Variants in KIAA0825 observed in about 807,000 individuals in gnomAD.
The protein encoded by KIAA0825 is KIAA0825.
Under a neutral mutation model 147.6 loss-of-function variants are expected in KIAA0825, and 119 were observed. The observed-to-expected ratio is 0.81, with a 90% CI of 0.69 to 0.94. The LOEUF (loss-of-function observed/expected upper bound fraction) is 0.94. Among genes scored for constraint, KIAA0825 ranks in the 40% least tolerant of loss-of-function variants. The pLI is 0.00. For synonymous variants in KIAA0825, 470 were observed against 518.1 expected, an observed-to-expected ratio of 0.91 and a Z score of 1.26; for missense variants, 1,381 against 1,472.7, an observed-to-expected ratio of 0.94 and a Z score of 1.02.
chr5:94,519,970 CTGTT>C, intron 5 of KIAA0825: 1 of 1,035,966 alleles, frequency 9.7e-7, no homozygotes. Flanking sequence ...TTCACAAATA[CTGTT>C]TGTCATATGC....
At chr5:94,291,894 A>C (rs1487621601) in intron 20 of KIAA0825, among the ~76,000 whole-genome samples, 2 of 152,150 alleles carry the variant, frequency 1.3e-5, no homozygotes, top group African/African-American at 4.8e-5. Context: ...GAGTTCACTC[A>C]TGATTTGGCT....
chr5:94,410,580 T>A (rs1752627432), intron 15 of KIAA0825, among the ~76,000 whole-genome samples: 1 of 152,158 alleles, frequency 6.6e-6, no homozygotes, highest in South Asian at 2.1e-4. Flanking sequence ...AAGAGAAAAG[T>A]CCTTATCAAC....
At chr5:94,562,896 T>G (rs1342185999) in intron 2 of KIAA0825, among the ~76,000 whole-genome samples, 1 of 152,172 alleles carries the variant, frequency 6.6e-6, no homozygotes, top group African/African-American at 2.4e-5. Flanking sequence ...ATTAAGTGCT[T>G]TAACTATTAA....
At chr5:94,165,363 G>T (rs1473207898) in intron 20 of KIAA0825, among the ~76,000 whole-genome samples, 2 of 152,134 alleles carry the variant, frequency 1.3e-5, no homozygotes, top group African/African-American at 2.4e-5. Context: ...AATAACAAAT[G>T]CTGGCGAGGA....
intron 20 of KIAA0825, among the ~76,000 whole-genome samples, chr5:94,302,760 T>C (rs939698563): frequency 2.0e-5 from 3 of 152,094 alleles, no homozygotes; most frequent in East Asian, 1.9e-4. Flanking sequence ...ACAATGTATT[T>C]ACAGTTAATA....
At position 94,519,305 on chromosome 5, in the gene KIAA0825, A is replaced by G. The variant is rs181444862; in HGVS notation, c.970+943T>C. 5,084 of 905,946 alleles carry G rather than the reference A, an allele frequency of 5.6e-3. 26 individuals carry two copies. The highest frequency in any genetic ancestry group is 0.017 in the Middle Eastern group (29 of 1,744). The allele number at this position is 905,946 out of a possible 1,614,324, so 56.1% of individuals were successfully genotyped here. A position where few individuals can be genotyped will look rare whatever the true frequency, so the allele number is the denominator to read the frequency against. On this transcript the variant is annotated intron_variant, in intron 5 of 20. Transcript: ENST00000682413. The stretch of plus-strand genomic sequence containing the variant: ...AAGATGATCATAAATTCAAAGATCC[A>G]TAATTCACCAAATAATAATTTTCAA...
At chr5:94,350,611 C>T (rs1370142207) in intron 20 of KIAA0825, among the ~76,000 whole-genome samples, 5 of 152,148 alleles carry the variant, frequency 3.3e-5, no homozygotes, top group African/African-American at 2.4e-5. Context: ...ACCAGGGATG[C>T]AGGGATGGTT....
intron 5 of KIAA0825, among the ~76,000 whole-genome samples, chr5:94,491,002 A>C (rs1227569425): frequency 1.3e-5 from 2 of 152,184 alleles, no homozygotes; most frequent in Non-Finnish European, 2.9e-5. Context: ...TATTTTCCAA[A>C]GCTATTAGCA....
chr5:94,553,910 A>G (rs1242778404), intron 2 of KIAA0825, among the ~76,000 whole-genome samples: 1 of 152,208 alleles, frequency 6.6e-6, no homozygotes, highest in Non-Finnish European at 1.5e-5. Context: ...AACCCAAATC[A>G]GCTCTTCAAC....
intron 20 of KIAA0825, among the ~76,000 whole-genome samples, chr5:94,323,551 C>T (rs1363702255): frequency 7.0e-6 from 1 of 143,378 alleles, no homozygotes; most frequent in African/African-American, 2.6e-5. Flanking sequence ...CCAAAAGCTC[C>T]AGACCAAAAA....
chr5:94,420,594 C>T (rs1337963992), intron 14 of KIAA0825, among the ~76,000 whole-genome samples: 3 of 152,068 alleles, frequency 2.0e-5, no homozygotes, highest in Non-Finnish European at 2.9e-5. Flanking sequence ...TACTATATGA[C>T]GTTCTGCGGA....
chr5:94,540,834 T>A (rs1196556261), intron 2 of KIAA0825, among the ~76,000 whole-genome samples: 1 of 152,216 alleles, frequency 6.6e-6, no homozygotes, highest in Non-Finnish European at 1.5e-5. Flanking sequence ...GAAAAATTAT[T>A]CAATTTGTTT....
At chr5:94,196,045 C>T (rs1348093516) in intron 20 of KIAA0825, among the ~76,000 whole-genome samples, 2 of 152,146 alleles carry the variant, frequency 1.3e-5, no homozygotes, top group Non-Finnish European at 2.9e-5. Context: ...AGGGTACATG[C>T]GATTTCAGCT....
chr5:94,337,149 T>A (rs1309419863), intron 20 of KIAA0825, among the ~76,000 whole-genome samples: 1 of 152,122 alleles, frequency 6.6e-6, no homozygotes, highest in African/African-American at 2.4e-5. Context: ...GACTGCAGAT[T>A]TGTATAAAGA....
intron 2 of KIAA0825, among the ~76,000 whole-genome samples, chr5:94,561,148 G>A (rs188472344): frequency 2.0e-5 from 3 of 152,282 alleles, no homozygotes; most frequent in African/African-American, 7.2e-5. Flanking sequence ...TATGGCCAAT[G>A]ATTTAATCAA....
intron 2 of KIAA0825, among the ~76,000 whole-genome samples, chr5:94,577,641 T>C (rs1176528807): frequency 6.6e-6 from 1 of 152,196 alleles, no homozygotes; most frequent in Non-Finnish European, 1.5e-5. Flanking sequence ...TCCAAAAACA[T>C]GCCAACTCAC....
intron 20 of KIAA0825, among the ~76,000 whole-genome samples, chr5:94,379,196 A>G (rs1004681465): frequency 6.6e-6 from 1 of 152,134 alleles, no homozygotes; most frequent in South Asian, 2.1e-4. Context: ...TGTCCTGGAT[A>G]GTATTTCCTA....
Position 94,607,754 on chromosome 5 carries a change from C to T in KIAA0825, c.-153+10746G>A, listed in dbSNP as rs543539843. ...GTCTAGGTCAGAAGTCTGAAACAGGCCTCACAAAGCTAAGATCAAGTAGTG... is the reference window on the plus strand; with the variant it reads ...GTCTAGGTCAGAAGTCTGAAACAGGTCTCACAAAGCTAAGATCAAGTAGTG... On this transcript the variant is annotated intron_variant, in intron 1 of 20. Coordinates refer to ENST00000682413, the MANE Select transcript of KIAA0825 (RefSeq NM_001145678.3). Among the ~76,000 whole-genome samples, 65 of 152,316 alleles carry T rather than the reference C, an allele frequency of 4.3e-4. 1 individual carries two copies. The South Asian group carries it at 0.013, about 31-fold the overall frequency.
intron 12 of KIAA0825, among the ~76,000 whole-genome samples, chr5:94,461,841 T>C (rs1389934934): frequency 6.6e-6 from 1 of 151,964 alleles, no homozygotes. Flanking sequence ...ATAAGACGTA[T>C]TCTAACCTCC....
Sources: gnomAD v4.1 joint callset for allele counts (sites outside exome capture counted in the v4.1 genomes callset) on GRCh38, gnomAD v4.1.1 for gene constraint, MANE v1.5 for transcripts, NCBI Gene and HGNC (gene_info 2026-07-23, HGNC 2026-07-21) for gene names.